Variants in FIP1L1 observed in about 807,000 individuals in gnomAD.
The protein encoded by FIP1L1 is factor interacting with PAPOLA and CPSF1.
Under a neutral mutation model 84.6 loss-of-function variants are expected in FIP1L1, and 21 were observed. The observed-to-expected ratio is 0.25, with a 90% CI of 0.18 to 0.36. FIP1L1 has a LOEUF of 0.36. Ranked by LOEUF, FIP1L1 falls within the 10% of genes least tolerant of loss-of-function variation. FIP1L1 has a pLI of 1.00. For missense variants in FIP1L1, 526 were observed against 751.1 expected (o/e 0.70, Z 3.50); for synonymous variants, 263 against 242.3 (o/e 1.09, Z -0.80).
In FIP1L1 at chr4:53,459,524, T is replaced by A; in HGVS notation, c.*75T>A. 7 of 1,585,738 alleles carry A rather than the reference T, an allele frequency of 4.4e-6. No individual in the cohort carries two copies. Among genetic ancestry groups the A allele is most frequent in the Non-Finnish European group, 6.0e-6 (7 of 1,158,402 alleles). ...AATCTTGTTATTTTTCTGGATAATG[T>A]TTAAGAAATTTACCTTAAATCTTGT... On this transcript the variant is annotated 3_prime_UTR_variant, in exon 18 of 18. Coordinates refer to ENST00000337488, the MANE Select transcript of FIP1L1 (RefSeq NM_030917.4).
At chr4:53,412,211 C>T (rs1757546692) in intron 10 of FIP1L1, among the ~76,000 whole-genome samples, 1 of 152,086 alleles carries the variant, frequency 6.6e-6, no homozygotes, top group Admixed American at 6.5e-5. Flanking sequence ...TAATTGTAGG[C>T]ATCATGCCCC....
intron 9 of FIP1L1, among the ~76,000 whole-genome samples, chr4:53,398,328 A>G (rs1422688122): frequency 6.6e-6 from 1 of 152,194 alleles, no homozygotes; most frequent in African/African-American, 2.4e-5. Context: ...GGTAGAACTC[A>G]TTTTCAAATA....
rs1735275054 is a variant in FIP1L1, at chr4:53,377,676, T to A, written c.-163T>A. On this transcript the variant is annotated 5_prime_UTR_variant, in exon 1 of 18. Transcript: ENST00000337488. Reference sequence around the variant, plus strand: ...AGACGGACCTGCGCTGGAGGCTTCATCTTTGCCGCCGCTGCCGTCGCCTTC... The same window carrying A: ...AGACGGACCTGCGCTGGAGGCTTCAACTTTGCCGCCGCTGCCGTCGCCTTC... 3.2e-6 allele frequency: 2 copies of A among 625,562 alleles called. No homozygotes were observed. The highest frequency in any genetic ancestry group is 3.1e-5 in the East Asian group (1 of 32,772). The allele number at this position is 625,562 out of a possible 1,614,324, so 38.8% of individuals were successfully genotyped here. A position where few individuals can be genotyped will look rare whatever the true frequency, so the allele number is the denominator to read the frequency against.
rs1447391337 is a variant in FIP1L1, at chr4:53,447,849, G to A, written c.1285+3746G>A. ...ATTTTACTCTATTTTAAATATTCTT[G>A]TGCATGAAACGAAGTTTTGACTGTA... On this transcript the variant is annotated intron_variant, in intron 15 of 17. Coordinates refer to ENST00000337488, the MANE Select transcript of FIP1L1 (RefSeq NM_030917.4). Among the ~76,000 whole-genome samples, 5 of 151,864 alleles carry A rather than the reference G, an allele frequency of 3.3e-5. No homozygotes were observed. In the East Asian group the frequency reaches 9.7e-4, roughly 29 times the overall value.
chr4:53,426,618 C>T (rs1270988693), intron 12 of FIP1L1, among the ~76,000 whole-genome samples: 1 of 152,066 alleles, frequency 6.6e-6, no homozygotes, highest in African/African-American at 2.4e-5. Flanking sequence ...TAAAGATAAC[C>T]ACATCTGGTA....
At chr4:53,443,946 G>T (rs1773104481) in intron 14 of FIP1L1, 102 bp from the exon 15 acceptor site, 3 of 640,792 alleles carry the variant, frequency 4.7e-6, no homozygotes, top group East Asian at 2.9e-5. Context: ...TTGGTGGTTG[G>T]ATAAAAGTTG....
chr4:53,392,812 T>G (rs1180429441), intron 9 of FIP1L1, among the ~76,000 whole-genome samples: 1 of 152,220 alleles, frequency 6.6e-6, no homozygotes, highest in African/African-American at 2.4e-5. Flanking sequence ...AAATTTATTT[T>G]GAAGTTTCTT....
intron 10 of FIP1L1, among the ~76,000 whole-genome samples, chr4:53,410,106 C>G (rs1406236734): frequency 6.6e-6 from 1 of 152,194 alleles, no homozygotes; most frequent in Non-Finnish European, 1.5e-5. Flanking sequence ...AGCTGTAGAC[C>G]GGAGTTGTTC....
In FIP1L1 at chr4:53,379,128, G is replaced by A. The variant is rs1324263317; in HGVS notation, c.130+11G>A. 11 of 1,613,882 alleles carry A rather than the reference G, an allele frequency of 6.8e-6. No homozygotes were observed. The highest frequency in any genetic ancestry group is 1.7e-5 in the Admixed American group (1 of 60,000). On this transcript the variant is annotated intron_variant, in intron 2 of 17. Transcript: ENST00000337488. ...TGGCAAAGGACCTAGGTTAGTGCTT[G>A]TGATGATCACTTCAGATTTTCATAA...
chr4:53,430,388 G>A (rs1466042390), intron 13 of FIP1L1, among the ~76,000 whole-genome samples: 5 of 112,384 alleles, frequency 4.4e-5, no homozygotes, highest in Non-Finnish European at 6.6e-5. Flanking sequence ...TCACTCTTTC[G>A]CCCAGGCTGG....
intron 9 of FIP1L1, among the ~76,000 whole-genome samples, chr4:53,398,932 A>G (rs770270245): frequency 2.0e-5 from 3 of 152,150 alleles, no homozygotes; most frequent in Non-Finnish European, 4.4e-5. Context: ...TGGGCAGATC[A>G]CTTGGGACGG....
In FIP1L1 at chr4:53,391,120, C is replaced by G. The variant is rs1215981728; in HGVS notation, c.617C>G (p.Ser206Cys). ...GGACTTGAAGTTATACCAGTAACCT[C>G]TACTACAAATAAAATTACGGTAATT... ...RMGLEVIPVT[S>C]TTNKITAEDC... Residue 206 changes from serine to cysteine, a missense_variant, in exon 8 of 18, where the codon TCT becomes TGT. Ser to Cys is a moderately radical substitution (Grantham distance 112). Transcript: ENST00000337488. The G allele has an allele frequency of 6.2e-7, 1 of 1,603,048 alleles. No individual in the cohort carries two copies. The highest frequency in any genetic ancestry group is 8.5e-7 in the Non-Finnish European group (1 of 1,177,086).
intron 10 of FIP1L1, among the ~76,000 whole-genome samples, chr4:53,406,544 C>T (rs922247310): frequency 1.3e-5 from 2 of 152,084 alleles, no homozygotes; most frequent in African/African-American, 4.8e-5. Context: ...AGGGAGGATT[C>T]CCTCTTTTTC....
At chr4:53,378,001 C>T (rs1349346875) in intron 1 of FIP1L1, 78 bp downstream of exon 1, 2 of 1,278,120 alleles carry the variant, frequency 1.6e-6, no homozygotes, top group Non-Finnish European at 2.1e-6. Flanking sequence ...GCGTCCCTGG[C>T]CTCTCGCGCC....
At chr4:53,388,174 A>T (rs1480594363) in intron 5 of FIP1L1, among the ~76,000 whole-genome samples, 1 of 152,208 alleles carries the variant, frequency 6.6e-6, no homozygotes. Context: ...TAAGTCTTAA[A>T]TGTAGTACAT....
intron 9 of FIP1L1, among the ~76,000 whole-genome samples, chr4:53,399,116 G>C (rs1296809265): frequency 4.6e-5 from 7 of 152,196 alleles, no homozygotes; most frequent in Admixed American, 2.6e-4. Context: ...TTGCACGACT[G>C]TACTCCAGCC....
intron 6 of FIP1L1, 131 bp downstream of exon 6, chr4:53,390,004 TC>T: frequency 1.6e-6 from 1 of 633,228 alleles, no homozygotes; most frequent in South Asian, 2.2e-5. Context: ...AGTGGCGCAA[TC>T]TTAGTTCACT....
At chr4:53,383,560 G>A (rs565432427) in intron 4 of FIP1L1, among the ~76,000 whole-genome samples, 1 of 152,092 alleles carries the variant, frequency 6.6e-6, no homozygotes, top group Non-Finnish European at 1.5e-5. Context: ...TACTCTAGAG[G>A]CTGAGGCCGG....
chr4:53,453,283 G>A (rs1717108667), intron 16 of FIP1L1, 150 bp downstream of exon 16: 1 of 826,412 alleles, frequency 1.2e-6, no homozygotes, highest in South Asian at 1.9e-5. Flanking sequence ...AAGGATTAGA[G>A]GCTTCCCATT....
Sources: allele counts gnomAD v4.1 joint callset (sites outside exome capture counted in the v4.1 genomes callset), GRCh38; gene constraint gnomAD v4.1.1; transcripts MANE v1.5; gene names NCBI Gene and HGNC (gene_info 2026-07-23, HGNC 2026-07-21).